The following TRIML2 variants were observed in gnomAD, a reference collection of about 807,000 sequenced individuals.
TRIML2 encodes the protein tripartite motif family like 2, also known as probable E3 ubiquitin-protein ligase TRIML2.
Under a neutral mutation model 31.2 loss-of-function variants are expected in TRIML2, and 28 were observed. The observed-to-expected ratio is 0.90, with a 90% CI of 0.66 to 1.23. The LOEUF is 1.23. TRIML2 is among the 50% of genes most tolerant of loss of function. The pLI, the probability that TRIML2 is intolerant of heterozygous loss-of-function variation, is 0.00. For synonymous variants in TRIML2, 187 were observed against 197.5 expected, an observed-to-expected ratio of 0.95 and a Z score of 0.45; for missense variants, 536 against 528.3, an observed-to-expected ratio of 1.01 and a Z score of -0.14.
chr4:188,092,440 G>A (rs1223587982), intron 7 of TRIML2, among the ~76,000 whole-genome samples: 2 of 150,296 alleles, frequency 1.3e-5, no homozygotes, highest in African/African-American at 2.5e-5. Flanking sequence ...CAGCCTGGGC[G>A]ACAGAGCAAG....
At chr4:188,104,616 G>A (rs1733945119) in intron 3 of TRIML2, among the ~76,000 whole-genome samples, 2 of 152,138 alleles carry the variant, frequency 1.3e-5, no homozygotes. Flanking sequence ...GCCCTCCTCA[G>A]CTTCCCAAAG....
intron 1 of TRIML2, chr4:188,107,022 TATTTATTTATTTTTGAGAC>T: frequency 6.4e-6 from 1 of 155,548 alleles, no homozygotes. Context: ...TTTATTAACT[TATTTATTTATTTTTGAGAC>T]CGAATCTCTG....
chr4:188,106,298 G>A lies in TRIML2; in HGVS notation c.-222-708C>T, dbSNP rs540161475. Among the ~76,000 whole-genome samples, 70 of 152,218 alleles carry A rather than the reference G, an allele frequency of 4.6e-4. No homozygotes were observed. The East Asian group carries it at 6.6e-3, about 14-fold the overall frequency. ...GATCTCCTGACCTCGTGATCCACCC[G>A]CCTCGGCCTCCCAAAGTGCTGGGAT... On this transcript the variant is annotated intron_variant, in intron 1 of 7. Coordinates refer to ENST00000682553, the MANE Select transcript of TRIML2 (RefSeq NM_173553.4).
At chr4:188,095,716 T>G (rs1191569756) in intron 7 of TRIML2, among the ~76,000 whole-genome samples, 1 of 152,120 alleles carries the variant, frequency 6.6e-6, no homozygotes, top group Admixed American at 6.6e-5. Context: ...CCTTAGACAG[T>G]CAATCAAGAA....
Position 188,091,953 on chromosome 4 carries a change from GA to G in TRIML2, c.746-13del. ...CAATGTTAAATGTCCTATCAGGAGA[GA>G]AAACCCTCGTTAACCTAGGAGTTCA... On this transcript the variant is annotated splice_polypyrimidine_tract_variant and intron_variant, in intron 7 of 7. Transcript: ENST00000682553. 1 of 1,598,004 alleles carries G rather than the reference GA, an allele frequency of 6.3e-7. No homozygotes were observed. Among genetic ancestry groups the G allele is most frequent in the Non-Finnish European group, 8.5e-7 (1 of 1,174,840 alleles).
chr4:188,097,429 A>G (rs1160334522), intron 5 of TRIML2, 83 bp from the exon 6 acceptor site: 4 of 1,252,492 alleles, frequency 3.2e-6, no homozygotes, highest in African/African-American at 1.5e-5. Flanking sequence ...ATCCTCTTAC[A>G]ATGAACTCAA....
rs373841603 is a variant in TRIML2 at position 188,099,380 on chromosome 4, A to G, written c.481-205T>C. On this transcript the variant is annotated intron_variant, in intron 4 of 7. Coordinates refer to ENST00000682553, the MANE Select transcript of TRIML2 (RefSeq NM_173553.4). ...AGGGTTTGAGACCAGCCTGGCCAACATGGTGAAACCCAGTCTCCACTAGAA... is the reference window on the plus strand; with the variant it reads ...AGGGTTTGAGACCAGCCTGGCCAACGTGGTGAAACCCAGTCTCCACTAGAA... Among the ~76,000 whole-genome samples the G allele has an allele frequency of 3.9e-5, 6 of 152,300 alleles. No individual in the cohort carries two copies. The East Asian group carries it at 1.2e-3, about 29-fold the overall frequency.
Position 188,104,773 on chromosome 4 carries a change from A to G in TRIML2, c.285+64T>C, listed in dbSNP as rs200717359. 5.5e-4 allele frequency: 707 copies of G among 1,291,158 alleles called. 4 individuals are homozygous for G. In the African/African-American group the frequency reaches 9.4e-3, roughly 17 times the overall value. 80.0% of individuals were successfully genotyped at this position (1,291,158 alleles called of 1,614,324 possible). On this transcript the variant is annotated intron_variant, in intron 3 of 7. Transcript: ENST00000682553. ...TTTGTCTTTTGACTTTGTTTATGAT[A>G]CACTATTTTCTAACAACATTACTGG...
chr4:188,093,984 G>A (rs1170329860), intron 7 of TRIML2, among the ~76,000 whole-genome samples: 2 of 151,718 alleles, frequency 1.3e-5, no homozygotes, highest in Admixed American at 6.6e-5. Flanking sequence ...TCAGCTACTC[G>A]GGAGGTTGAG....
In TRIML2 at chr4:188,091,809, A is replaced by C; in HGVS notation, c.878T>G (p.Val293Gly). ...TGAGGTGAAGCTCTCCGCAGCCAGC[A>C]CCATGGCACTGAAATCCAATCTTTC... Reference protein sequence around the residue: ...NPERLDFSAMVLAAESFTSGR... With the variant: ...NPERLDFSAMGLAAESFTSGR... The change falls in exon 8 of 8, where the codon GTG (valine) becomes GGG (glycine). Residue 293 changes from valine to glycine, a missense_variant. Val to Gly is a moderately radical substitution (Grantham distance 109). Coordinates refer to ENST00000682553, the MANE Select transcript of TRIML2 (RefSeq NM_173553.4). 3.1e-6 allele frequency: 5 copies of C among 1,614,172 alleles called. No homozygotes were observed. Among genetic ancestry groups the C allele is most frequent in the Non-Finnish European group, 4.2e-6 (5 of 1,180,050 alleles).
intron 3 of TRIML2, among the ~76,000 whole-genome samples, chr4:188,104,197 T>C (rs1257240933): frequency 6.6e-6 from 1 of 152,190 alleles, no homozygotes; most frequent in Non-Finnish European, 1.5e-5. Context: ...TCATTGCAAA[T>C]AGCATTGCAA....
intron 4 of TRIML2, among the ~76,000 whole-genome samples, chr4:188,099,737 T>C (rs1305453918): frequency 6.6e-6 from 1 of 152,222 alleles, no homozygotes; most frequent in African/African-American, 2.4e-5. Context: ...CCAATACAGA[T>C]GTGTGTGCAC....
At chr4:188,102,125 A>G (rs60433239) in intron 3 of TRIML2, among the ~76,000 whole-genome samples, 16,617 of 143,058 alleles carry the variant, frequency 0.12, 1,498 homozygotes, top group East Asian at 0.51. Context: ...GGGAGACTCC[A>G]TCTTAAAAAA....
At chr4:188,092,304 A>C (rs545627354) in intron 7 of TRIML2, among the ~76,000 whole-genome samples, 1 of 152,208 alleles carries the variant, frequency 6.6e-6, no homozygotes, top group Admixed American at 6.5e-5. Flanking sequence ...TACTAAAAAA[A>C]TACAAAAAGT....
chr4:188,098,928 A>G, intron 5 of TRIML2, 107 bp downstream of exon 5: 1 of 1,275,042 alleles, frequency 7.8e-7, no homozygotes, highest in Non-Finnish European at 1.1e-6. Context: ...TTTGTGGTTG[A>G]AGATCATTGG....
intron 1 of TRIML2, among the ~76,000 whole-genome samples, chr4:188,107,101 G>A (rs1399303306): frequency 1.7e-5 from 2 of 116,244 alleles, no homozygotes; most frequent in Non-Finnish European, 4.1e-5. Flanking sequence ...TGCAACCTCC[G>A]CCTCCCGGGT....
intron 3 of TRIML2, among the ~76,000 whole-genome samples, chr4:188,102,129 T>TA (rs141783514): frequency 0.02 from 2,149 of 106,182 alleles, 21 homozygotes; most frequent in Middle Eastern, 0.043. Flanking sequence ...GACTCCATCT[T>TA]AAAAAAAAAA....
intron 3 of TRIML2, among the ~76,000 whole-genome samples, chr4:188,101,477 C>T (rs983998388): frequency 3.3e-5 from 5 of 151,592 alleles, no homozygotes; most frequent in Non-Finnish European, 5.9e-5. Context: ...GGGTGGATCA[C>T]GAGGTCAGGA....
chr4:188,102,715 G>T (rs773233931), intron 3 of TRIML2, among the ~76,000 whole-genome samples: 4 of 151,762 alleles, frequency 2.6e-5, no homozygotes, highest in Non-Finnish European at 4.4e-5. Context: ...CAGGCATGAT[G>T]ACGGGCCCCT....
Sources: gnomAD v4.1 joint callset for allele counts (sites outside exome capture counted in the v4.1 genomes callset) on GRCh38, gnomAD v4.1.1 for gene constraint, MANE v1.5 for transcripts, NCBI Gene and HGNC (gene_info 2026-07-23, HGNC 2026-07-21) for gene names.